TGFB2: variants seen among roughly 807,000 people sequenced by gnomAD.
TGFB2 encodes transforming growth factor beta-2 proprotein.
Under a neutral mutation model 42.7 loss-of-function variants are expected in TGFB2, and 13 were observed. That is an observed-to-expected ratio of 0.30 (90% CI 0.20 to 0.48). The LOEUF is 0.48. TGFB2 is among the 20% of genes least tolerant of loss of function. The pLI, the probability that TGFB2 is intolerant of heterozygous loss-of-function variation, is 0.99. For synonymous variants in TGFB2, 193 were observed against 193.6 expected, an observed-to-expected ratio of 1.00 and a Z score of 0.03; for missense variants, 390 against 517.5, an observed-to-expected ratio of 0.75 and a Z score of 2.39.
intron 2 of TGFB2, among the ~76,000 whole-genome samples, chr1:218,432,323 A>G (rs765888879): frequency 6.6e-6 from 1 of 152,198 alleles, no homozygotes; most frequent in Non-Finnish European, 1.5e-5. Flanking sequence ...CGCAAAGAAC[A>G]TTTCTTACCT....
At chr1:218,405,432 A>C in intron 2 of TGFB2, 100 bp downstream of exon 2, 1 of 1,586,580 alleles carries the variant, frequency 6.3e-7, no homozygotes, top group Non-Finnish European at 8.5e-7. Flanking sequence ...TGGCATGATC[A>C]CAGCTCACTG....
At chr1:218,389,896 G>A (rs914839233) in intron 1 of TGFB2, among the ~76,000 whole-genome samples, 3 of 152,210 alleles carry the variant, frequency 2.0e-5, no homozygotes, top group African/African-American at 7.2e-5. Flanking sequence ...GAGGCACCCT[G>A]ACATACGAGA....
At chr1:218,438,769 A>G (rs938702559) in intron 6 of TGFB2, among the ~76,000 whole-genome samples, 5 of 152,122 alleles carry the variant, frequency 3.3e-5, no homozygotes, top group Non-Finnish European at 7.4e-5. Context: ...GCTCATCAGG[A>G]TTTTAGAGAT....
At chr1:218,416,683 G>T (rs976794679) in intron 2 of TGFB2, among the ~76,000 whole-genome samples, 1 of 152,146 alleles carries the variant, frequency 6.6e-6, no homozygotes, top group Non-Finnish European at 1.5e-5. Flanking sequence ...CTCCTGGTTG[G>T]TCCCCCTGTT....
At chr1:218,411,522 AC>A (rs1316161094) in intron 2 of TGFB2, among the ~76,000 whole-genome samples, 1 of 152,106 alleles carries the variant, frequency 6.6e-6, no homozygotes, top group Non-Finnish European at 1.5e-5. Flanking sequence ...CTTGTTTCTT[AC>A]ATGGGGACTC....
chr1:218,394,816 T>A (rs1405521262), intron 1 of TGFB2, among the ~76,000 whole-genome samples: 8 of 152,138 alleles, frequency 5.3e-5, no homozygotes, highest in African/African-American at 1.9e-4. Context: ...AAAATCCATA[T>A]CCAGTGTGCC....
At chr1:218,412,819 T>C (rs998013542) in intron 2 of TGFB2, among the ~76,000 whole-genome samples, 1 of 152,230 alleles carries the variant, frequency 6.6e-6, no homozygotes. Flanking sequence ...GTTGCCAGGT[T>C]GTTTTTAAGA....
chr1:218,413,692 G>A (rs1009986106), intron 2 of TGFB2, among the ~76,000 whole-genome samples: 19 of 152,302 alleles, frequency 1.2e-4, no homozygotes, highest in African/African-American at 3.1e-4. Flanking sequence ...ACACAATCCC[G>A]TTGTAAGTCG....
chr1:218,356,303 A>G (rs1282136871), intron 1 of TGFB2, among the ~76,000 whole-genome samples: 2 of 151,660 alleles, frequency 1.3e-5, no homozygotes, highest in African/African-American at 4.8e-5. Context: ...TGAAGCCTCC[A>G]TCTCCTGGGC....
intron 1 of TGFB2, among the ~76,000 whole-genome samples, chr1:218,367,263 C>A (rs574711742): frequency 1.3e-4 from 20 of 152,134 alleles, no homozygotes; most frequent in Non-Finnish European, 2.5e-4. Context: ...TGGCCTGAAT[C>A]GTGTTCTGAG....
intron 2 of TGFB2, among the ~76,000 whole-genome samples, chr1:218,411,473 G>A (rs1465346421): frequency 6.6e-6 from 1 of 152,124 alleles, no homozygotes; most frequent in Non-Finnish European, 1.5e-5. Context: ...CCCCTAGATA[G>A]TCTCAGATGT....
intron 1 of TGFB2, among the ~76,000 whole-genome samples, chr1:218,370,205 G>C (rs1168657403): frequency 1.1e-4 from 16 of 152,332 alleles, no homozygotes; most frequent in East Asian, 3.9e-4. Context: ...TGGCCTAGTG[G>C]TGAAGGAAGC....
intron 1 of TGFB2, among the ~76,000 whole-genome samples, chr1:218,381,440 G>C (rs1223086749): frequency 2.0e-5 from 3 of 151,920 alleles, no homozygotes; most frequent in African/African-American, 7.3e-5. Flanking sequence ...ATTTTTAGTA[G>C]AGACGGGGTT....
chr1:218,385,416 C>A (rs1658100746), intron 1 of TGFB2, among the ~76,000 whole-genome samples: 1 of 152,228 alleles, frequency 6.6e-6, no homozygotes, highest in Non-Finnish European at 1.5e-5. Flanking sequence ...ATCACCGGTT[C>A]ACAGAGCACA....
At chr1:218,380,360 G>A (rs1319228419) in intron 1 of TGFB2, among the ~76,000 whole-genome samples, 1 of 152,130 alleles carries the variant, frequency 6.6e-6, no homozygotes, top group Non-Finnish European at 1.5e-5. Flanking sequence ...ATCACACCAA[G>A]TTAGAAACTC....
intron 2 of TGFB2, among the ~76,000 whole-genome samples, chr1:218,410,711 G>T (rs1242597838): frequency 1.3e-5 from 2 of 152,166 alleles, no homozygotes; most frequent in Non-Finnish European, 2.9e-5. Flanking sequence ...CCTTTATTGC[G>T]ATATGTTCAG....
rs1660157718 is a variant in TGFB2 at position 218,441,676 on chromosome 1, GAAC to G, written c.*318_*320del. 5.0e-6 allele frequency: 1 copy of G among 201,072 alleles called. No individual in the cohort carries two copies. The highest frequency in any genetic ancestry group is 1.1e-4 in the South Asian group (1 of 8,786). The allele number at this position is 201,072 out of a possible 1,614,324, so 12.5% of individuals were successfully genotyped here. On this transcript the variant is annotated 3_prime_UTR_variant, in exon 7 of 7. Transcript: ENST00000366930. ...AAGAATTTATTAGTGTTAATTATGT[GAAC>G]AACGACAACAACAACAACAACAACA...
intron 1 of TGFB2, among the ~76,000 whole-genome samples, chr1:218,396,208 A>G (rs1658506532): frequency 6.6e-6 from 1 of 152,232 alleles, no homozygotes; most frequent in Non-Finnish European, 1.5e-5. Flanking sequence ...CCTACTATTC[A>G]CCCAGTAGAT....
At chr1:218,347,634 C>T (rs1288984375) in intron 1 of TGFB2, among the ~76,000 whole-genome samples, 3 of 152,260 alleles carry the variant, frequency 2.0e-5, no homozygotes, top group South Asian at 2.1e-4. Flanking sequence ...CCTACCTGGC[C>T]CTCAGTCCTT....
Sources: gnomAD v4.1 joint callset for allele counts (sites outside exome capture counted in the v4.1 genomes callset) on GRCh38, gnomAD v4.1.1 for gene constraint, MANE v1.5 for transcripts, NCBI Gene and HGNC (gene_info 2026-07-23, HGNC 2026-07-21) for gene names.